DNAI4: variants seen among roughly 807,000 people sequenced by gnomAD.
DNAI4 encodes the protein WD repeat domain 78.
In DNAI4, 85 loss-of-function variants were observed where a neutral mutation model predicts 105.8. The observed-to-expected ratio is 0.80, with a 90% CI of 0.67 to 0.96. The LOEUF (loss-of-function observed/expected upper bound fraction) is 0.96. DNAI4 is among the 40% of genes least tolerant of loss of function. The probability of loss-of-function intolerance (pLI) is 0.00; values close to 1 mark genes in which losing one functional copy is unlikely to be tolerated. For missense variants in DNAI4, 1,014 were observed against 1,005.6 expected (o/e 1.01, Z -0.11); for synonymous variants, 352 against 331.5 (o/e 1.06, Z -0.67).
intron 15 of DNAI4, among the ~76,000 whole-genome samples, chr1:66,823,015 G>A (rs888414486): frequency 2.6e-5 from 4 of 151,856 alleles, no homozygotes; most frequent in Non-Finnish European, 5.9e-5. Flanking sequence ...CCACTAACTC[G>A]TCATCTAGCA....
intron 1 of DNAI4, among the ~76,000 whole-genome samples, chr1:66,922,836 TTAACTTA>T (rs1557992893): frequency 6.6e-6 from 1 of 152,212 alleles, no homozygotes; most frequent in Non-Finnish European, 1.5e-5. Flanking sequence ...GAGATGTTTA[TTAACTTA>T]TAAGTGCAGG....
intron 4 of DNAI4, among the ~76,000 whole-genome samples, chr1:66,881,116 G>T (rs1647060561): frequency 6.6e-6 from 1 of 152,244 alleles, no homozygotes. Context: ...GAGGATGTAT[G>T]GTAACGCCTG....
At chr1:66,893,533 G>A in intron 2 of DNAI4, 120 bp from the exon 3 acceptor site, 2 of 574,556 alleles carry the variant, frequency 3.5e-6, no homozygotes, top group Non-Finnish European at 2.7e-6. Flanking sequence ...TCCTATAATA[G>A]GATAAACATG....
At chr1:66,868,830 C>A (rs992763939) in intron 6 of DNAI4, among the ~76,000 whole-genome samples, 3 of 151,680 alleles carry the variant, frequency 2.0e-5, no homozygotes, top group African/African-American at 7.3e-5. Context: ...GTAATCCCAG[C>A]ACTTTGGGAG....
intron 16 of DNAI4, among the ~76,000 whole-genome samples, chr1:66,814,840 TAG>T (rs1645484400): frequency 6.6e-5 from 10 of 152,212 alleles, no homozygotes; most frequent in Non-Finnish European, 1.3e-4. Flanking sequence ...ATGTTTGACT[TAG>T]AGAGTAGAAC....
At position 66,837,882 on chromosome 1, in the gene DNAI4, G is replaced by A; in HGVS notation, c.1495-86C>T. On this transcript the variant is annotated intron_variant, in intron 9 of 16. Transcript: ENST00000371026. ...GTATAAAGATATATATTAATGAGCT[G>A]TGTTAAAAATAGTAGTAAGACATTT... The A allele has an allele frequency of 3.1e-6, 4 of 1,276,260 alleles. No individual in the cohort carries two copies. The Middle Eastern group carries it at 8.2e-4, about 261-fold the overall frequency. 79.1% of individuals were successfully genotyped at this position (1,276,260 alleles called of 1,614,324 possible).
chr1:66,856,170 A>C (rs1646495798), intron 7 of DNAI4, among the ~76,000 whole-genome samples: 1 of 151,644 alleles, frequency 6.6e-6, no homozygotes, highest in Non-Finnish European at 1.5e-5. Flanking sequence ...AATCAACTGG[A>C]TCTAAATAAC....
At chr1:66,910,695 C>A (rs1649592799) in intron 1 of DNAI4, among the ~76,000 whole-genome samples, 1 of 152,180 alleles carries the variant, frequency 6.6e-6, no homozygotes, top group South Asian at 2.1e-4. Flanking sequence ...CCTTATTTTT[C>A]TCCTTAGAAC....
At chr1:66,842,375 G>T (rs1646168247) in intron 8 of DNAI4, among the ~76,000 whole-genome samples, 1 of 151,954 alleles carries the variant, frequency 6.6e-6, no homozygotes, top group Non-Finnish European at 1.5e-5. Flanking sequence ...AGTATGTTTG[G>T]GTTTTTTTGT....
intron 10 of DNAI4, among the ~76,000 whole-genome samples, chr1:66,836,234 GAAAGAAAGAAAGAGAGAGAGAGAAAGAA>G (rs1557908583): frequency 5.1e-5 from 7 of 136,728 alleles, no homozygotes; most frequent in African/African-American, 1.7e-4. Flanking sequence ...GAGAGAGAGA[GAAAGAAAGAAAGAGAGAGAGAGAAAGAA>G]AGAAAGAAAG....
At chr1:66,896,059 T>C (rs1648309074) in intron 2 of DNAI4, among the ~76,000 whole-genome samples, 1 of 152,194 alleles carries the variant, frequency 6.6e-6, no homozygotes, top group Admixed American at 6.5e-5. Flanking sequence ...AAGGTAATGC[T>C]AGCCTCATAA....
chr1:66,870,992 G>C (rs572781944), intron 6 of DNAI4: 2 of 178,834 alleles, frequency 1.1e-5, no homozygotes, highest in African/African-American at 4.7e-5. Context: ...TACCTCATAG[G>C]GTTGCTGTAA....
chr1:66,860,214 A>T (rs932111795), intron 7 of DNAI4, among the ~76,000 whole-genome samples: 1 of 152,130 alleles, frequency 6.6e-6, no homozygotes, highest in Non-Finnish European at 1.5e-5. Context: ...TTCTCTATCA[A>T]CTGAGATATG....
intron 7 of DNAI4, among the ~76,000 whole-genome samples, chr1:66,851,715 T>C (rs1557925598): frequency 6.6e-6 from 1 of 151,622 alleles, no homozygotes; most frequent in African/African-American, 2.4e-5. Flanking sequence ...TCAAGGGAAA[T>C]AAAAAATGTA....
At chr1:66,822,569 T>C (rs770956801) in intron 15 of DNAI4, 52 bp from the exon 16 acceptor site, 2 of 1,372,144 alleles carry the variant, frequency 1.5e-6, no homozygotes, top group South Asian at 3.5e-5. Flanking sequence ...AATATGGTCT[T>C]TTAAATAGAC....
intron 1 of DNAI4, chr1:66,919,186 T>C: frequency 5.0e-6 from 2 of 401,902 alleles, no homozygotes; most frequent in Non-Finnish European, 5.1e-6. Flanking sequence ...CCTGGGGCTG[T>C]ATCACGGGTA....
Position 66,892,981 on chromosome 1 carries a change from GAA to G in DNAI4, c.530+246_530+247del, listed in dbSNP as rs1491194644. 8.6e-3 allele frequency among the ~76,000 whole-genome samples: 1,070 copies of G among 124,086 alleles called. 20 individuals are homozygous for G. Among genetic ancestry groups the G allele is most frequent in the African/African-American group, 0.015 (428 of 28,940 alleles). 81.4% of individuals were successfully genotyped at this position (124,086 alleles called of 152,430 possible). On this transcript the variant is annotated intron_variant, in intron 3 of 16. Transcript: ENST00000371026. The stretch of plus-strand genomic sequence containing the variant: ...AGAAAGAAAGAAAGAAAGAAAGAAA[GAA>G]AGAAAGAAAGAAAGAGAGAAAGAGA...
chr1:66,890,819 G>C lies in DNAI4; in HGVS notation c.643+335C>G, dbSNP rs1444837475. 1 of 321,540 alleles carries C rather than the reference G, an allele frequency of 3.1e-6. No individual in the cohort carries two copies. Among genetic ancestry groups the C allele is most frequent in the African/African-American group, 2.3e-5 (1 of 43,748 alleles). The allele number at this position is 321,540 out of a possible 1,614,324, so 19.9% of individuals were successfully genotyped here. On this transcript the variant is annotated intron_variant, in intron 4 of 16. Coordinates refer to ENST00000371026, the MANE Select transcript of DNAI4 (RefSeq NM_024763.5). This position sits in a 1 kb window ranked among gnomAD's most constrained non-coding sequence, Gnocchi z 4.1. ...AGTGAGGAAGAAGAGGAAAAGAAGA[G>C]GAAAAGAGGAAGAGGAAGAAAAGGA...
chr1:66,861,492 A>G (rs1646625622), intron 7 of DNAI4, among the ~76,000 whole-genome samples: 1 of 152,222 alleles, frequency 6.6e-6, no homozygotes, highest in Non-Finnish European at 1.5e-5. Context: ...CCACATTGCA[A>G]AGTTTATTTG....
Sources: gnomAD v4.1 joint callset for allele counts (sites outside exome capture counted in the v4.1 genomes callset) on GRCh38, gnomAD v4.1.1 for gene constraint, Gnocchi (gnomAD v3.1) non-coding constraint, MANE v1.5 for transcripts, NCBI Gene and HGNC (gene_info 2026-07-23, HGNC 2026-07-21) for gene names.